Variants in CEP76 observed in about 807,000 individuals in gnomAD.
CEP76 encodes the protein centrosomal protein of 76 kDa.
A neutral mutation model predicts 83.3 loss-of-function variants in CEP76; 55 were observed. The ratio of observed to expected loss-of-function variants is 0.66; its 90% CI spans 0.53 to 0.83. CEP76 has a LOEUF of 0.83. CEP76 is among the 40% of genes least tolerant of loss of function. The pLI, the probability that CEP76 is intolerant of heterozygous loss-of-function variation, is 0.00. For synonymous variants in CEP76, 270 were observed against 274.5 expected (o/e 0.98, Z 0.16); for missense variants, 694 against 799.5 (o/e 0.87, Z 1.59).
intron 10 of CEP76, among the ~76,000 whole-genome samples, chr18:12,676,081 A>T (rs1424605394): frequency 6.6e-6 from 1 of 152,142 alleles, no homozygotes; most frequent in Non-Finnish European, 1.5e-5. Context: ...TTTGATTATC[A>T]TAATGGATCT....
intron 8 of CEP76, among the ~76,000 whole-genome samples, chr18:12,684,134 CCTTT>C (rs1243315177): frequency 6.6e-6 from 1 of 151,716 alleles, no homozygotes; most frequent in Non-Finnish European, 1.5e-5. Flanking sequence ...AAGTGATTCT[CCTTT>C]TTTTGTGTTT....
At chr18:12,678,082 A>C (rs746548620) in intron 10 of CEP76, 27 bp downstream of exon 10, 2 of 1,556,212 alleles carry the variant, frequency 1.3e-6, no homozygotes, top group African/African-American at 2.7e-5. Flanking sequence ...AGAAGTATGA[A>C]ACTACAACTA....
Position 12,691,400 on chromosome 18 carries a change from G to C in CEP76, c.892C>G (p.Arg298Gly). The C allele has an allele frequency of 6.2e-7, 1 of 1,607,102 alleles. No individual in the cohort carries two copies. The highest frequency in any genetic ancestry group is 8.5e-7 in the Non-Finnish European group (1 of 1,176,230). Residue 298 changes from arginine to glycine, a missense_variant, in exon 7 of 12, where the codon CGA (arginine) becomes GGA (glycine). Transcript: ENST00000262127. The stretch of plus-strand genomic sequence containing the variant: ...ACCAGTCGTGAGTTGTGTGAGGGTC[G>C]AATTTGCAAATATTCTCTCCACCAC... ...KQWWREYLQI[R>G]PSHNSRLVKI...
intron 8 of CEP76, among the ~76,000 whole-genome samples, 174 bp from the exon 9 acceptor site, chr18:12,681,002 C>T (rs1289950109): frequency 1.3e-5 from 2 of 152,102 alleles, no homozygotes; most frequent in African/African-American, 4.8e-5. Flanking sequence ...AGTTCAAGAC[C>T]AGCCTGGCCA....
At chr18:12,694,906 G>A (rs1051582220) in intron 6 of CEP76, among the ~76,000 whole-genome samples, 4 of 151,118 alleles carry the variant, frequency 2.6e-5, no homozygotes, top group African/African-American at 4.9e-5. Flanking sequence ...TAGTAGAGGC[G>A]GGGTTTCACC....
rs747134192 is a variant in CEP76 at position 12,678,407 on chromosome 18, G to C, written c.1325C>G (p.Pro442Arg). 6.2e-7 allele frequency: 1 copy of C among 1,613,506 alleles called. No individual in the cohort carries two copies. Among genetic ancestry groups the C allele is most frequent in the Admixed American group, 1.7e-5 (1 of 60,000 alleles). The change falls in exon 10 of 12, where the codon CCA becomes CGA. Residue 442 changes from proline (P) to arginine (R), a missense_variant. Pro to Arg is a moderately radical substitution (Grantham distance 103, BLOSUM62 -2). Coordinates refer to ENST00000262127, the MANE Select transcript of CEP76 (RefSeq NM_024899.4). ...IHKPTNPDEPPVAEQPKPLYP... is the reference protein window; with the variant it reads ...IHKPTNPDEPRVAEQPKPLYP... ...CAGTGGTTTGGGCTGTTCAGCAACT[G>C]GAGGTTCATCAGGATTGGTAGGTTT...
rs971906903 is a variant in CEP76 at position 12,673,231 on chromosome 18, G to A, written c.*134C>T. ...ATTTTTTTTAAACATTACCAGTCAA[G>A]TATATACAAAATTGAAGTATGCCAT... On this transcript the variant is annotated 3_prime_UTR_variant, in exon 12 of 12. Coordinates refer to ENST00000262127, the MANE Select transcript of CEP76 (RefSeq NM_024899.4). 7.0e-7 allele frequency: 1 copy of A among 1,422,352 alleles called. No individual in the cohort carries two copies. The highest frequency in any genetic ancestry group is 2.8e-5 in the East Asian group (1 of 36,322). The allele number at this position is 1,422,352 out of a possible 1,614,324, so 88.1% of individuals were successfully genotyped here.
At chr18:12,699,345 C>T (rs2040071979) in intron 3 of CEP76, 142 bp from the exon 4 acceptor site, 2 of 597,362 alleles carry the variant, frequency 3.3e-6, no homozygotes, top group East Asian at 2.8e-5. Flanking sequence ...AAATTTATTA[C>T]TGTATATGCC....
intron 1 of CEP76, 145 bp from the exon 2 acceptor site, chr18:12,701,258 A>G: frequency 1.6e-6 from 1 of 612,826 alleles, no homozygotes; most frequent in East Asian, 2.7e-5. Flanking sequence ...TAAAGAATGA[A>G]TCTTTTGAGT....
intron 12 of CEP76, among the ~76,000 whole-genome samples, chr18:12,667,187 A>G (rs1034408235): frequency 3.9e-5 from 6 of 152,232 alleles, no homozygotes; most frequent in Non-Finnish European, 5.9e-5. Context: ...TGGGCTGGGC[A>G]TGGTGGCTCA....
intron 6 of CEP76, among the ~76,000 whole-genome samples, chr18:12,691,761 G>A (rs2145072410): frequency 6.6e-6 from 1 of 151,184 alleles, no homozygotes; most frequent in South Asian, 2.1e-4. Context: ...TGTCGCCCAG[G>A]CTGGAGTGCA....
rs1568013224 is a variant in CEP76 at position 12,678,190 on chromosome 18, C to A, written c.1542G>T (p.Leu514=). The A allele has an allele frequency of 6.2e-7, 1 of 1,614,124 alleles. No individual in the cohort carries two copies. Residue 514 remains leucine (L), a synonymous_variant, in exon 10 of 12, where the codon CTG becomes CTT. Coordinates refer to ENST00000262127, the MANE Select transcript of CEP76 (RefSeq NM_024899.4). ...ATTSLPPFPP[L]CASTIDASVT... is the part of the protein sequence containing the mutation. ...CTGACGCGTCAATTGTGGATGCACA[C>A]AGAGGTGGAAAGGGAGGAAGGGATG... is the stretch of plus-strand genomic sequence containing the variant.
intron 5 of CEP76, among the ~76,000 whole-genome samples, chr18:12,695,852 CCACACACA>C (rs375916938): frequency 0.013 from 1,931 of 148,382 alleles, 33 homozygotes; most frequent in African/African-American, 0.043. Flanking sequence ...CATTCCTTCT[CCACACACA>C]CACACACACA....
At chr18:12,670,852 T>C (rs2038924624), downstream of CEP76, 2 of 152,158 alleles carry the variant, frequency 1.3e-5, no homozygotes, top group Admixed American at 6.6e-5. Flanking sequence ...TCTTGCTATG[T>C]TGCCCAGGCT....
intron 10 of CEP76, among the ~76,000 whole-genome samples, chr18:12,675,875 G>A (rs1184235075): frequency 6.6e-6 from 1 of 151,834 alleles, no homozygotes; most frequent in Non-Finnish European, 1.5e-5. Flanking sequence ...CACCATGTTG[G>A]CCAGGCTGGT....
At chr18:12,663,549 A>C (rs1334565394) in intron 12 of CEP76, 2 of 152,168 alleles carry the variant, frequency 1.3e-5, no homozygotes, top group Non-Finnish European at 2.9e-5. Context: ...CTGGGATTAC[A>C]GATGTGAGCC....
intron 12 of CEP76, among the ~76,000 whole-genome samples, chr18:12,666,928 CATA>C (rs1242701026): frequency 3.3e-5 from 5 of 151,910 alleles, no homozygotes; most frequent in African/African-American, 9.7e-5. Flanking sequence ...AAATCTTATT[CATA>C]ATGAGTTTAA....
chr18:12,689,095 C>T (rs1339469743), intron 7 of CEP76, among the ~76,000 whole-genome samples: 4 of 152,172 alleles, frequency 2.6e-5, no homozygotes, highest in Non-Finnish European at 5.9e-5. Flanking sequence ...CCCTGGGTGA[C>T]TGAGACTCTG....
In CEP76 at chr18:12,674,608, C is replaced by A. The variant is rs2039055694; in HGVS notation, c.1769G>T (p.Gly590Val). 1 of 1,614,048 alleles carries A rather than the reference C, an allele frequency of 6.2e-7. No homozygotes were observed. Among genetic ancestry groups the A allele is most frequent in the Non-Finnish European group, 8.5e-7 (1 of 1,179,992 alleles). Residue 590 changes from glycine to valine, a missense_variant, in exon 11 of 12, where the codon GGT (glycine) becomes GTT (valine). Coordinates refer to ENST00000262127, the MANE Select transcript of CEP76 (RefSeq NM_024899.4). ...TATTGGGAACCCTTTAAATGTGTGA[C>A]CATCAGGTACAGCCCTTCTTATGGC... ...QDAIRRAVPD[G>V]HTFKGFPIHF...
Sources: gnomAD v4.1 joint callset for allele counts (sites outside exome capture counted in the v4.1 genomes callset) on GRCh38, gnomAD v4.1.1 for gene constraint, MANE v1.5 for transcripts, NCBI Gene and HGNC (gene_info 2026-07-23, HGNC 2026-07-21) for gene names.